The following ATP6V1F variants were observed in gnomAD, a reference collection of about 807,000 sequenced individuals.
ATP6V1F encodes the protein ATPase H+ transporting V1 subunit F, also known as V-type proton ATPase subunit F.
Under a neutral mutation model 6.6 loss-of-function variants are expected in ATP6V1F, and 4 were observed. The observed-to-expected ratio is 0.60, with a 90% CI of 0.30 to 1.38. ATP6V1F has a LOEUF of 1.38. Ranked by LOEUF, ATP6V1F falls within the 40% of genes most tolerant of loss-of-function variation. The probability of loss-of-function intolerance (pLI) is 0.08; values close to 1 mark genes in which losing one functional copy is unlikely to be tolerated. For missense variants in ATP6V1F, 136 were observed against 165.5 expected (o/e 0.82, Z 0.98); for synonymous variants, 68 against 66.9 (o/e 1.02, Z -0.08).
intron 1 of ATP6V1F, among the ~76,000 whole-genome samples, chr7:128,864,463 G>C (rs1809339098): frequency 6.6e-6 from 1 of 152,206 alleles, no homozygotes; most frequent in Non-Finnish European, 1.5e-5. Context: ...CCTCTTCCTA[G>C]CTTGTGATCT....
chr7:128,865,248 C>T lies in ATP6V1F; in HGVS notation c.159-129C>T. Reference sequence around the variant, plus strand: ...GAGCGTGGCAGCCTTTCCCCTTGTCCTCTGTGCCCTCTGGGTCATGCTCAT... The same window carrying T: ...GAGCGTGGCAGCCTTTCCCCTTGTCTTCTGTGCCCTCTGGGTCATGCTCAT... On this transcript the variant is annotated intron_variant, in intron 1 of 1. Coordinates refer to ENST00000249289, the MANE Select transcript of ATP6V1F (RefSeq NM_004231.4). This position sits in a 1 kb window ranked among gnomAD's most constrained non-coding sequence, Gnocchi z 4.4. 1.3e-6 allele frequency: 2 copies of T among 1,549,074 alleles called. No individual in the cohort carries two copies. Among genetic ancestry groups the T allele is most frequent in the Non-Finnish European group, 1.7e-6 (2 of 1,145,722 alleles).
rs1173812796 is a variant in ATP6V1F, at chr7:128,865,145, G to A, written c.159-232G>A. ...TTCACTTGGAAGCCTTCCGGGCAGT[G>A]TTGTAGAAGCCAACCCTAATCAGCG... is the stretch of plus-strand genomic sequence containing the variant. On this transcript the variant is annotated intron_variant, in intron 1 of 1. Transcript: ENST00000249289. This position sits in a 1 kb window ranked among gnomAD's most constrained non-coding sequence, Gnocchi z 4.4. The A allele has an allele frequency of 6.5e-7, 1 of 1,536,176 alleles. No individual in the cohort carries two copies. Among genetic ancestry groups the A allele is most frequent in the African/African-American group, 1.4e-5 (1 of 73,056 alleles).
Position 128,865,473 on chromosome 7 carries a change from C to T in ATP6V1F, c.255C>T (p.Ile85=), listed in dbSNP as rs370506659. 1.6e-4 allele frequency: 252 copies of T among 1,614,050 alleles called. No homozygotes were observed. The highest frequency in any genetic ancestry group is 2.0e-4 in the Non-Finnish European group (237 of 1,180,044). Reference sequence around the variant, plus strand: ...CCCTGGACGCCCACCAGCAGTCCATCCCCGCTGTCCTGGAGATCCCCTCCA... The same window carrying T: ...CCCTGGACGCCCACCAGCAGTCCATTCCCGCTGTCCTGGAGATCCCCTCCA... ...RHALDAHQQS[I]PAVLEIPSKE... The change falls in exon 2 of 2, where the codon ATC becomes ATT. Residue 85 remains isoleucine, a synonymous_variant. Coordinates refer to ENST00000249289, the MANE Select transcript of ATP6V1F (RefSeq NM_004231.4). This position sits in a 1 kb window ranked among gnomAD's most constrained non-coding sequence, Gnocchi z 4.4.
intron 1 of ATP6V1F, among the ~76,000 whole-genome samples, chr7:128,863,690 G>C (rs1419694716): frequency 6.6e-6 from 1 of 152,064 alleles, no homozygotes. Context: ...ATCCACCAGG[G>C]GTCCTGGTGA....
chr7:128,863,165 G>T, intron 1 of ATP6V1F, 103 bp downstream of exon 1: 1 of 1,437,040 alleles, frequency 7.0e-7, no homozygotes, highest in South Asian at 1.3e-5. Context: ...GATCCTGAAA[G>T]TCCTTCCGCC....
At chr7:128,864,950 G>A (rs532356017) in intron 1 of ATP6V1F, 6 of 628,396 alleles carry the variant, frequency 9.5e-6, no homozygotes, top group Admixed American at 2.4e-5. Context: ...CAATCCACCT[G>A]CCTCGGCCTC....
In ATP6V1F at chr7:128,865,263, G is replaced by T; in HGVS notation, c.159-114G>T. ...TCCCCTTGTCCTCTGTGCCCTCTGG[G>T]TCATGCTCATTCCCCTCCACAGCCC... On this transcript the variant is annotated intron_variant, in intron 1 of 1. Transcript: ENST00000249289. The surrounding 1 kb of genome is among the most constrained non-coding windows in gnomAD (Gnocchi z 4.4). 1 of 1,562,454 alleles carries T rather than the reference G, an allele frequency of 6.4e-7. No homozygotes were observed.
chr7:128,863,100 T>G (rs1490074746), intron 1 of ATP6V1F, 38 bp downstream of exon 1: 1 of 1,590,664 alleles, frequency 6.3e-7, no homozygotes, highest in Non-Finnish European at 8.5e-7. Flanking sequence ...GCCCTTCTGC[T>G]GCTCGGTGGA....
rs1411891937 is a variant in ATP6V1F, at chr7:128,865,104, C to G, written c.159-273C>G. 6.5e-7 allele frequency: 1 copy of G among 1,533,038 alleles called. No individual in the cohort carries two copies. The highest frequency in any genetic ancestry group is 8.7e-7 in the Non-Finnish European group (1 of 1,143,948). The allele number at this position is 1,533,038 out of a possible 1,614,324, so 95.0% of individuals were successfully genotyped here. On this transcript the variant is annotated intron_variant, in intron 1 of 1. Transcript: ENST00000249289. The surrounding 1 kb of genome is among the most constrained non-coding windows in gnomAD (Gnocchi z 4.4). ...TGAATACACCAGTGTGCACCCTAATCAATCTTCATTACCAGTTCACTTGGA... is the reference window on the plus strand; with the variant it reads ...TGAATACACCAGTGTGCACCCTAATGAATCTTCATTACCAGTTCACTTGGA...
At position 128,865,585 on chromosome 7, in the gene ATP6V1F, C is replaced by T. The variant is rs751276747; in HGVS notation, c.*7C>T. The T allele has an allele frequency of 2.5e-6, 4 of 1,607,846 alleles. No homozygotes were observed. The South Asian group carries it at 4.4e-5, about 18-fold the overall frequency. On this transcript the variant is annotated 3_prime_UTR_variant, in exon 2 of 2. Coordinates refer to ENST00000249289, the MANE Select transcript of ATP6V1F (RefSeq NM_004231.4). The surrounding 1 kb of genome is among the most constrained non-coding windows in gnomAD (Gnocchi z 4.4). The stretch of plus-strand genomic sequence containing the variant: ...TGCCGAAGACCTGCGCTAGGGGACT[C>T]CTCATAGCCCTCAGCCCTTCCCTCG...
rs1325565564 is a variant in ATP6V1F at position 128,865,607 on chromosome 7, C to T, written c.*29C>T. The T allele has an allele frequency of 6.3e-7, 1 of 1,589,014 alleles. No individual in the cohort carries two copies. The highest frequency in any genetic ancestry group is 8.6e-7 in the Non-Finnish European group (1 of 1,164,326). ...ACTCCTCATAGCCCTCAGCCCTTCC[C>T]TCGTTTCCAGGCCTCTCCCCAGGCT... On this transcript the variant is annotated 3_prime_UTR_variant, in exon 2 of 2. Transcript: ENST00000249289. The surrounding 1 kb of genome is among the most constrained non-coding windows in gnomAD (Gnocchi z 4.4).
Position 128,865,345 on chromosome 7 carries a change from G to A in ATP6V1F, c.159-32G>A. 1 of 1,612,540 alleles carries A rather than the reference G, an allele frequency of 6.2e-7. No homozygotes were observed. ...AGGAGAGACGGCAGCCCCCAGAGCT[G>A]TCCTGGACTCCCTTCTCATCTCTCC... On this transcript the variant is annotated intron_variant, in intron 1 of 1. Coordinates refer to ENST00000249289, the MANE Select transcript of ATP6V1F (RefSeq NM_004231.4). The surrounding 1 kb of genome is among the most constrained non-coding windows in gnomAD (Gnocchi z 4.4).
In ATP6V1F at chr7:128,862,868, T is replaced by C. The variant is rs1809293930; in HGVS notation, c.-37T>C. Reference sequence around the variant, plus strand: ...CGGCGGAGGCGGGGTTTCAGTGGCTTCTGGTGCTCTAGGGTGAGCTCTGCC... The same window carrying C: ...CGGCGGAGGCGGGGTTTCAGTGGCTCCTGGTGCTCTAGGGTGAGCTCTGCC... On this transcript the variant is annotated 5_prime_UTR_variant, in exon 1 of 2. Coordinates refer to ENST00000249289, the MANE Select transcript of ATP6V1F (RefSeq NM_004231.4). 1 of 1,500,302 alleles carries C rather than the reference T, an allele frequency of 6.7e-7. No homozygotes were observed. Among genetic ancestry groups the C allele is most frequent in the East Asian group, 2.5e-5 (1 of 39,816 alleles). The allele number at this position is 1,500,302 out of a possible 1,614,324, so 92.9% of individuals were successfully genotyped here. A position where few individuals can be genotyped will look rare whatever the true frequency, so the allele number is the denominator to read the frequency against.
chr7:128,862,950 A>G lies in ATP6V1F; in HGVS notation c.46A>G (p.Thr16Ala). 1 of 1,613,354 alleles carries G rather than the reference A, an allele frequency of 6.2e-7. No individual in the cohort carries two copies. Among genetic ancestry groups the G allele is most frequent in the Non-Finnish European group, 8.5e-7 (1 of 1,179,640 alleles). The stretch of plus-strand genomic sequence containing the variant: ...CATCGCAGTGATCGGAGACGAGGAC[A>G]CGGTGACTGGTTTCCTGCTGGGCGG... Reference protein sequence around the residue: ...KLIAVIGDEDTVTGFLLGGIG... With the variant: ...KLIAVIGDEDAVTGFLLGGIG... The change falls in exon 1 of 2, where the codon ACG becomes GCG. Residue 16 changes from threonine (T) to alanine (A), a missense_variant. Coordinates refer to ENST00000249289, the MANE Select transcript of ATP6V1F (RefSeq NM_004231.4).
rs1809358783 is a variant in ATP6V1F at position 128,865,044 on chromosome 7, CT to C, written c.159-331del. The C allele has an allele frequency of 1.6e-6, 2 of 1,243,544 alleles. No homozygotes were observed. Among genetic ancestry groups the C allele is most frequent in the African/African-American group, 3.0e-5 (2 of 67,278 alleles). The allele number at this position is 1,243,544 out of a possible 1,614,324, so 77.0% of individuals were successfully genotyped here. ...AAAAAGGGATCTGCATACATATAATCTTATCCTTCCCCTTTCTGACACATCA... is the reference window on the plus strand; with the variant it reads ...AAAAAGGGATCTGCATACATATAATCTATCCTTCCCCTTTCTGACACATCA... On this transcript the variant is annotated intron_variant, in intron 1 of 1. Transcript: ENST00000249289. The surrounding 1 kb of genome is among the most constrained non-coding windows in gnomAD (Gnocchi z 4.4).
At position 128,865,684 on chromosome 7, in the gene ATP6V1F, C is replaced by T. The variant is rs1316764690; in HGVS notation, c.*106C>T. 4 of 1,245,860 alleles carry T rather than the reference C, an allele frequency of 3.2e-6. No individual in the cohort carries two copies. The Admixed American group carries it at 9.9e-5, about 31-fold the overall frequency. The allele number at this position is 1,245,860 out of a possible 1,614,324, so 77.2% of individuals were successfully genotyped here. A position where few individuals can be genotyped will look rare whatever the true frequency, so the allele number is the denominator to read the frequency against. ...GCCTCTGATTTCCAATTCCCTGCTC[C>T]TTCCCACTCCATTAAGAGGCTAGGT... On this transcript the variant is annotated 3_prime_UTR_variant, in exon 2 of 2. Coordinates refer to ENST00000249289, the MANE Select transcript of ATP6V1F (RefSeq NM_004231.4). The surrounding 1 kb of genome is among the most constrained non-coding windows in gnomAD (Gnocchi z 4.4).
At chr7:128,864,767 C>T (rs368863169) in intron 1 of ATP6V1F, 36 of 205,290 alleles carry the variant, frequency 1.8e-4, no homozygotes, top group African/African-American at 5.6e-4. Context: ...TGGCACATGC[C>T]GCCACATCCA....
chr7:128,863,186 G>C (rs936301483), intron 1 of ATP6V1F, 124 bp downstream of exon 1: 16 of 1,252,446 alleles, frequency 1.3e-5, no homozygotes, highest in Non-Finnish European at 1.7e-5. Context: ...CTTCCGGAGC[G>C]GAGGCCTCCG....
intron 1 of ATP6V1F, among the ~76,000 whole-genome samples, chr7:128,864,680 G>A (rs577537965): frequency 5.3e-5 from 8 of 150,410 alleles, no homozygotes; most frequent in Non-Finnish European, 1.2e-4. Context: ...AGCTCACTGC[G>A]GCCTCGACTT....
Sources: gnomAD v4.1 joint callset for allele counts (sites outside exome capture counted in the v4.1 genomes callset) on GRCh38, gnomAD v4.1.1 for gene constraint, Gnocchi (gnomAD v3.1) non-coding constraint, MANE v1.5 for transcripts, NCBI Gene and HGNC (gene_info 2026-07-23, HGNC 2026-07-21) for gene names.